NTM: variants seen among roughly 807,000 people sequenced by gnomAD.
NTM encodes the protein neurotrimin, also known as IgLON family member 2.
Under a neutral mutation model 42.1 loss-of-function variants are expected in NTM, and 13 were observed. The ratio of observed to expected loss-of-function variants is 0.31; its 90% CI spans 0.20 to 0.49. NTM has a LOEUF of 0.49. Ranked by LOEUF, NTM falls within the 20% of genes least tolerant of loss-of-function variation. NTM has a pLI of 0.99. For synonymous variants in NTM, 187 were observed against 179.2 expected (o/e 1.04, Z -0.35); for missense variants, 373 against 452.8 (o/e 0.82, Z 1.60).
At chr11:132,249,557 G>T (rs909961738) in intron 4 of NTM, among the ~76,000 whole-genome samples, 1 of 152,200 alleles carries the variant, frequency 6.6e-6, no homozygotes, top group African/African-American at 2.4e-5. Flanking sequence ...CTTGAGTCAG[G>T]TTGTTGGATT....
intron 3 of NTM, among the ~76,000 whole-genome samples, chr11:132,192,404 T>C (rs2079456219): frequency 6.6e-6 from 1 of 152,182 alleles, no homozygotes; most frequent in East Asian, 1.9e-4. Flanking sequence ...ATTTTGTAAC[T>C]TGTGAAACTA....
intron 1 of NTM, among the ~76,000 whole-genome samples, chr11:131,387,030 T>A (rs1360638311): frequency 6.6e-6 from 1 of 152,156 alleles, no homozygotes; most frequent in Admixed American, 6.5e-5. Flanking sequence ...TCCACATCAA[T>A]CAGAATATCC....
At chr11:131,589,462 A>G (rs2059171291) in intron 1 of NTM, among the ~76,000 whole-genome samples, 1 of 152,180 alleles carries the variant, frequency 6.6e-6, no homozygotes, top group African/African-American at 2.4e-5. Flanking sequence ...TTCTCCATCC[A>G]GAAACTGCAG....
intron 1 of NTM, among the ~76,000 whole-genome samples, chr11:131,721,622 T>A (rs1034964398): frequency 1.3e-5 from 2 of 152,134 alleles, no homozygotes; most frequent in Admixed American, 6.6e-5. Flanking sequence ...TTACTTAACT[T>A]CCCTAATCCT....
intron 1 of NTM, among the ~76,000 whole-genome samples, chr11:131,679,635 C>T (rs2072062922): frequency 6.6e-6 from 1 of 151,422 alleles, no homozygotes; most frequent in Admixed American, 6.6e-5. Context: ...TCCCATTTCC[C>T]TCTGATGGCT....
chr11:132,001,724 G>T (rs747775874), intron 2 of NTM, among the ~76,000 whole-genome samples: 1 of 151,896 alleles, frequency 6.6e-6, no homozygotes, highest in Non-Finnish European at 1.5e-5. Context: ...TTCAGCATAA[G>T]ATTTGGCAGG....
At chr11:131,650,757 A>G (rs1055017249) in intron 1 of NTM, among the ~76,000 whole-genome samples, 1 of 152,188 alleles carries the variant, frequency 6.6e-6, no homozygotes, top group Non-Finnish European at 1.5e-5. Context: ...ATCAGAAAAA[A>G]AAATACCAAA....
At chr11:132,090,822 T>G (rs1283614771) in intron 2 of NTM, among the ~76,000 whole-genome samples, 1 of 152,114 alleles carries the variant, frequency 6.6e-6, no homozygotes, top group Non-Finnish European at 1.5e-5. Context: ...CCAGAAAAAA[T>G]TCACATCTTA....
intron 2 of NTM, among the ~76,000 whole-genome samples, chr11:132,058,299 G>A (rs2080041902): frequency 6.6e-6 from 1 of 152,168 alleles, no homozygotes; most frequent in South Asian, 2.1e-4. Context: ...GGTAAAAATG[G>A]GGAAGGCGTG....
chr11:132,281,621 C>T (rs1280473339), intron 4 of NTM, among the ~76,000 whole-genome samples: 1 of 152,150 alleles, frequency 6.6e-6, no homozygotes, highest in Non-Finnish European at 1.5e-5. Flanking sequence ...AAGTCTGATG[C>T]CCAGAAATTG....
At chr11:131,965,909 G>C (rs1437623029) in intron 2 of NTM, among the ~76,000 whole-genome samples, 2 of 142,114 alleles carry the variant, frequency 1.4e-5, no homozygotes, top group Admixed American at 1.4e-4. Context: ...TGGGTAGGTA[G>C]GTAGAGAGCA....
chr11:131,755,117 G>A (rs2083151980), intron 1 of NTM, among the ~76,000 whole-genome samples: 1 of 152,114 alleles, frequency 6.6e-6, no homozygotes, highest in Admixed American at 6.5e-5. Flanking sequence ...GAGGGTAGTG[G>A]TTACACAGAT....
At chr11:132,059,323 G>T (rs149674284) in intron 2 of NTM, among the ~76,000 whole-genome samples, 2 of 152,156 alleles carry the variant, frequency 1.3e-5, no homozygotes, top group African/African-American at 4.8e-5. Context: ...GCTCAGGGCC[G>T]CCTCTGAGAG....
At chr11:131,721,424 T>G (rs539664397) in intron 1 of NTM, among the ~76,000 whole-genome samples, 7 of 152,216 alleles carry the variant, frequency 4.6e-5, no homozygotes, top group African/African-American at 1.7e-4. Context: ...TAAGAGTGCC[T>G]CCTTCATTAG....
intron 1 of NTM, among the ~76,000 whole-genome samples, chr11:131,690,936 G>A (rs1248765604): frequency 2.0e-5 from 3 of 152,170 alleles, no homozygotes; most frequent in African/African-American, 7.2e-5. Context: ...TGCCTTGATC[G>A]AAACCCAGGG....
At chr11:132,222,158 C>T (rs936593125) in intron 4 of NTM, among the ~76,000 whole-genome samples, 1 of 152,188 alleles carries the variant, frequency 6.6e-6, no homozygotes, top group Non-Finnish European at 1.5e-5. Flanking sequence ...GAGATGAGCA[C>T]CTCAGTGGCA....
chr11:131,600,848 T>G (rs1387050573), intron 1 of NTM, among the ~76,000 whole-genome samples: 2 of 152,102 alleles, frequency 1.3e-5, no homozygotes, highest in Non-Finnish European at 2.9e-5. Context: ...ACATTCACTT[T>G]TTTTTTTTCC....
chr11:131,653,406 G>C (rs927321601), intron 1 of NTM, among the ~76,000 whole-genome samples: 2 of 152,216 alleles, frequency 1.3e-5, no homozygotes, highest in Non-Finnish European at 2.9e-5. Flanking sequence ...AGGCCTCGCT[G>C]CCTGCAGCTG....
At chr11:132,266,225 T>C (rs3099774) in intron 4 of NTM, among the ~76,000 whole-genome samples, 136,257 of 152,146 alleles carry the variant, frequency 0.9, 61,110 homozygotes, top group African/African-American at 0.93. Context: ...GGTTGAAGCC[T>C]ACAGCAAGGG....
Sources: gnomAD v4.1 joint callset for allele counts (sites outside exome capture counted in the v4.1 genomes callset) on GRCh38, gnomAD v4.1.1 for gene constraint, MANE v1.5 for transcripts, NCBI Gene and HGNC (gene_info 2026-07-23, HGNC 2026-07-21) for gene names.